NFIB: variants seen among roughly 807,000 people sequenced by gnomAD.
The protein encoded by NFIB is nuclear factor I B.
Under a neutral mutation model 61.5 loss-of-function variants are expected in NFIB, and 11 were observed. That is an observed-to-expected ratio of 0.18 (90% CI 0.11 to 0.30). NFIB has a LOEUF of 0.30. NFIB is among the 10% of genes least tolerant of loss of function. The pLI is 1.00. For missense variants in NFIB, 471 were observed against 608.9 expected (o/e 0.77, Z 2.38); for synonymous variants, 260 against 216.5 (o/e 1.20, Z -1.76).
upstream of NFIB, among the ~76,000 whole-genome samples, chr9:14,315,816 T>C (rs1255328686): frequency 6.6e-6 from 1 of 151,710 alleles, no homozygotes; most frequent in Non-Finnish European, 1.5e-5. Context: ...AGCAAAGGCC[T>C]CCCAGACAAT....
chr9:14,213,380 G>C (rs971383768), intron 2 of NFIB, among the ~76,000 whole-genome samples: 2 of 152,214 alleles, frequency 1.3e-5, no homozygotes, highest in African/African-American at 2.4e-5. Flanking sequence ...TCCTAAGTCA[G>C]GTCCACCATC....
At chr9:14,501,007 G>A in the NFIB span, among the ~76,000 whole-genome samples, 3 of 152,156 alleles carry the variant, frequency 2.0e-5, no homozygotes, top group African/African-American at 4.8e-5. Context: ...TGAATCTGTG[G>A]GATTGAGTTT....
At chr9:14,439,330 A>G in the NFIB span, among the ~76,000 whole-genome samples, 2 of 152,168 alleles carry the variant, frequency 1.3e-5, no homozygotes, top group Non-Finnish European at 2.9e-5. Context: ...AGCTCACACC[A>G]CTGCACTCCA....
intron 10 of NFIB, among the ~76,000 whole-genome samples, chr9:14,094,702 G>GA (rs1428177154): frequency 6.6e-6 from 1 of 152,018 alleles, no homozygotes; most frequent in African/African-American, 2.4e-5. Flanking sequence ...ACTGCAGGTG[G>GA]CTCATGGAAT....
chr9:14,131,241 T>C (rs564969595), intron 6 of NFIB, among the ~76,000 whole-genome samples: 10 of 152,288 alleles, frequency 6.6e-5, no homozygotes, highest in Non-Finnish European at 1.0e-4. Context: ...AAGATCACCA[T>C]GTAAGAAAAA....
At chr9:14,338,170 G>A (rs867104126) in intron 1 of NFIB, among the ~76,000 whole-genome samples, 22 of 152,106 alleles carry the variant, frequency 1.4e-4, no homozygotes, top group Non-Finnish European at 2.6e-4. Context: ...CGAGGCAGGC[G>A]GATCACAAGG....
chr9:14,314,108 A>C lies in NFIB; in HGVS notation c.-597T>G. ...GGCGAAACTTTGCCGCGAGCCGACC[A>C]TGTGTGTGCGCGAGGGGCAGCGTGA... On this transcript the variant is annotated 5_prime_UTR_variant, in exon 1 of 11. It removes an upstream start codon present in the reference 5' UTR. Transcript: ENST00000380953. 3.0e-6 allele frequency: 3 copies of C among 998,316 alleles called. No individual in the cohort carries two copies. Among genetic ancestry groups the C allele is most frequent in the South Asian group, 4.7e-5 (1 of 21,076 alleles). 61.8% of individuals were successfully genotyped at this position (998,316 alleles called of 1,614,324 possible). A position where few individuals can be genotyped will look rare whatever the true frequency, so the allele number is the denominator to read the frequency against.
chr9:14,157,454 A>C (rs1484787822), intron 3 of NFIB, among the ~76,000 whole-genome samples: 3 of 152,194 alleles, frequency 2.0e-5, no homozygotes, highest in Non-Finnish European at 4.4e-5. Context: ...AGGAAGTTGT[A>C]AGATCTCAGT....
chr9:14,426,653 C>T, the NFIB span, among the ~76,000 whole-genome samples: 2 of 152,180 alleles, frequency 1.3e-5, no homozygotes, highest in Non-Finnish European at 2.9e-5. Flanking sequence ...CAAACTTCTG[C>T]CCTTCCTCCA....
chr9:14,282,502 A>T (rs907289721), intron 2 of NFIB, among the ~76,000 whole-genome samples: 1 of 152,252 alleles, frequency 6.6e-6, no homozygotes, highest in African/African-American at 2.4e-5. Flanking sequence ...AGTCCAAATT[A>T]CAAGTGATGT....
At chr9:14,169,056 C>T (rs1025028156) in intron 3 of NFIB, among the ~76,000 whole-genome samples, 6 of 152,160 alleles carry the variant, frequency 3.9e-5, no homozygotes, top group African/African-American at 1.4e-4. Flanking sequence ...GAAAATACTG[C>T]TCTGCTTAGA....
the NFIB span, among the ~76,000 whole-genome samples, chr9:14,426,011 T>C: frequency 6.6e-6 from 1 of 152,200 alleles, no homozygotes; most frequent in African/African-American, 2.4e-5. Flanking sequence ...TTCTTTTCCT[T>C]ACCTCTTCCA....
intron 4 of NFIB, among the ~76,000 whole-genome samples, 180 bp from the exon 5 acceptor site, chr9:14,150,445 A>T (rs1051987328): frequency 2.6e-5 from 4 of 152,142 alleles, no homozygotes; most frequent in Admixed American, 2.0e-4. Flanking sequence ...CACCTTAGCA[A>T]CGTTCAAGCT....
At chr9:14,277,606 T>C (rs117679864) in intron 2 of NFIB, among the ~76,000 whole-genome samples, 1 of 152,346 alleles carries the variant, frequency 6.6e-6, no homozygotes, top group Non-Finnish European at 1.5e-5. Flanking sequence ...TTGAGCTCTA[T>C]CTTTATATCC....
At chr9:14,370,559 T>C (rs1009006532) in intron 1 of NFIB, among the ~76,000 whole-genome samples, 10 of 152,244 alleles carry the variant, frequency 6.6e-5, no homozygotes, top group Non-Finnish European at 1.5e-4. Flanking sequence ...ATATCTACTT[T>C]ATAAACACTT....
intron 1 of NFIB, among the ~76,000 whole-genome samples, chr9:14,366,014 G>T (rs1351470680): frequency 6.6e-6 from 1 of 152,166 alleles, no homozygotes; most frequent in African/African-American, 2.4e-5. Context: ...ACAAGTAGAT[G>T]TAAAACCTAG....
exon 1 of NFIB, chr9:14,398,576 T>G: frequency 6.5e-7 from 1 of 1,535,282 alleles, no homozygotes; most frequent in Non-Finnish European, 8.7e-7. Context: ...AGGGTTACAT[T>G]TCAGAACTGC....
At chr9:14,184,898 C>T (rs2047175846) in intron 2 of NFIB, among the ~76,000 whole-genome samples, 1 of 152,068 alleles carries the variant, frequency 6.6e-6, no homozygotes, top group African/African-American at 2.4e-5. Context: ...TGGCACACAC[C>T]TGTAATCCCA....
chr9:14,131,780 G>C (rs1252212518), intron 6 of NFIB, among the ~76,000 whole-genome samples: 2 of 152,096 alleles, frequency 1.3e-5, no homozygotes, highest in Non-Finnish European at 2.9e-5. Flanking sequence ...GTCTGTAGCA[G>C]CCTGTCATCC....
Sources: gnomAD v4.1 joint callset for allele counts (sites outside exome capture counted in the v4.1 genomes callset) on GRCh38, gnomAD v4.1.1 for gene constraint, MANE v1.5 for transcripts, NCBI Gene and HGNC (gene_info 2026-07-23, HGNC 2026-07-21) for gene names.